MOB4: variants seen among roughly 807,000 people sequenced by gnomAD.
MOB4 encodes MOB-like protein phocein.
In MOB4, 4 loss-of-function variants were observed where a neutral mutation model predicts 32.2. That is an observed-to-expected ratio of 0.12 (90% CI 0.06 to 0.28). The LOEUF (loss-of-function observed/expected upper bound fraction) is 0.28. Ranked by LOEUF, MOB4 falls within the 10% of genes least tolerant of loss-of-function variation. The probability of loss-of-function intolerance (pLI) is 1.00; values close to 1 mark genes in which losing one functional copy is unlikely to be tolerated. For synonymous variants in MOB4, 88 were observed against 88.1 expected (o/e 1.00, Z 0.01); for missense variants, 158 against 271.2 (o/e 0.58, Z 2.93).
At chr2:197,545,879 C>G (rs2086984423) in intron 5 of MOB4, among the ~76,000 whole-genome samples, 1 of 152,012 alleles carries the variant, frequency 6.6e-6, no homozygotes, top group Non-Finnish European at 1.5e-5. Flanking sequence ...TGTGAATATA[C>G]TAGAAACTAC....
chr2:197,538,973 C>T (rs3792159), intron 3 of MOB4, among the ~76,000 whole-genome samples: 106,688 of 152,072 alleles, frequency 0.7, 38,094 homozygotes, highest in Middle Eastern at 0.86. Context: ...TTTTGTTTTC[C>T]TCTGTTACAA....
At chr2:197,527,252 C>T (rs181236919) in intron 2 of MOB4, among the ~76,000 whole-genome samples, 263 of 152,130 alleles carry the variant, frequency 1.7e-3, no homozygotes, top group Non-Finnish European at 2.2e-3. Context: ...GACATCTTAA[C>T]GATATTAAGC....
At chr2:197,538,852 G>C (rs2086848098) in intron 3 of MOB4, among the ~76,000 whole-genome samples, 1 of 152,192 alleles carries the variant, frequency 6.6e-6, no homozygotes, top group East Asian at 1.9e-4. Context: ...GGACAGTAGA[G>C]GGTGATACGG....
chr2:197,535,406 C>T, intron 2 of MOB4, 124 bp from the exon 3 acceptor site: 1 of 777,174 alleles, frequency 1.3e-6, no homozygotes, highest in Non-Finnish European at 1.9e-6. Flanking sequence ...ACTTGGTTTC[C>T]TATTTAGTGT....
intron 2 of MOB4, among the ~76,000 whole-genome samples, chr2:197,532,604 T>G (rs2086724747): frequency 6.6e-6 from 1 of 152,076 alleles, no homozygotes; most frequent in Non-Finnish European, 1.5e-5. Flanking sequence ...GAGAATTGCT[T>G]GAACCCAGGA....
At position 197,525,204 on chromosome 2, in the gene MOB4, G is replaced by A. The variant is rs529349255; in HGVS notation, c.123+1518G>A. On this transcript the variant is annotated intron_variant, in intron 2 of 7. Coordinates refer to ENST00000323303, the MANE Select transcript of MOB4 (RefSeq NM_015387.5). ...TACTAAAAATATAAAAAAATTAGCC[G>A]GGCGTGGTGGTGGGTGCCTGTAGTC... Among the ~76,000 whole-genome samples, 11 of 151,982 alleles carry A rather than the reference G, an allele frequency of 7.2e-5. No individual in the cohort carries two copies. The East Asian group carries it at 1.2e-3, about 16-fold the overall frequency.
chr2:197,544,857 CT>C (rs1487280129), intron 5 of MOB4, among the ~76,000 whole-genome samples: 1 of 151,932 alleles, frequency 6.6e-6, no homozygotes, highest in Non-Finnish European at 1.5e-5. Context: ...ATGGCATATA[CT>C]TTCATACCCA....
chr2:197,531,539 A>G (rs1181357867), intron 2 of MOB4, among the ~76,000 whole-genome samples: 4 of 151,864 alleles, frequency 2.6e-5, no homozygotes, highest in African/African-American at 9.7e-5. Flanking sequence ...TCTTTTTACA[A>G]ACTTGGAAAC....
Position 197,535,564 on chromosome 2 carries a change from A to G in MOB4, c.158A>G (p.Asn53Ser). Reference sequence around the variant, plus strand: ...CAGAACATAAGAGCAGATTGCTCCAATATTGACAAAATTCTTGAACCACCT... The same window carrying G: ...CAGAACATAAGAGCAGATTGCTCCAGTATTGACAAAATTCTTGAACCACCT... ...IQQNIRADCS[N>S]IDKILEPPEG... Residue 53 changes from asparagine (N) to serine (S), a missense_variant, in exon 3 of 8, where the codon AAT becomes AGT. By Grantham distance (46) the Asn-to-Ser change is conservative. Transcript: ENST00000323303. 1.9e-6 allele frequency: 3 copies of G among 1,612,950 alleles called. No homozygotes were observed. Among genetic ancestry groups the G allele is most frequent in the Non-Finnish European group, 2.5e-6 (3 of 1,179,784 alleles).
intron 5 of MOB4, among the ~76,000 whole-genome samples, chr2:197,544,920 G>A (rs1056272871): frequency 6.6e-6 from 1 of 152,186 alleles, no homozygotes; most frequent in African/African-American, 2.4e-5. Context: ...TGACGGGGAT[G>A]TGAAGTGGAA....
intron 1 of MOB4, among the ~76,000 whole-genome samples, chr2:197,523,247 G>A (rs185320958): frequency 8.5e-4 from 129 of 152,136 alleles, no homozygotes; most frequent in African/African-American, 2.9e-3. Flanking sequence ...TGGAAAAAAC[G>A]TAATTTATAG....
intron 2 of MOB4, among the ~76,000 whole-genome samples, chr2:197,534,969 G>A (rs1367321798): frequency 6.6e-6 from 1 of 152,108 alleles, no homozygotes; most frequent in Non-Finnish European, 1.5e-5. Context: ...TGTCTCAATA[G>A]ATTTTCTTAC....
At chr2:197,528,008 C>A (rs570109085) in intron 2 of MOB4, among the ~76,000 whole-genome samples, 1 of 151,796 alleles carries the variant, frequency 6.6e-6, no homozygotes, top group African/African-American at 2.4e-5. Context: ...TATGGTATTT[C>A]TTTTTTCATG....
chr2:197,522,645 T>G (rs1474599757), intron 1 of MOB4, among the ~76,000 whole-genome samples: 1 of 152,130 alleles, frequency 6.6e-6, no homozygotes, highest in Non-Finnish European at 1.5e-5. Flanking sequence ...GATTACTTTT[T>G]AATGGTGCCC....
chr2:197,528,616 C>CTTTTTTTTTTT (rs60927398), intron 2 of MOB4, among the ~76,000 whole-genome samples: 2 of 131,690 alleles, frequency 1.5e-5, no homozygotes, highest in Non-Finnish European at 3.3e-5. Context: ...TTTTCTTTTT[C>CTTTTTTTTTTT]TTTTTTTTTT....
chr2:197,539,317 A>ATTTTT (rs35362424), intron 3 of MOB4, among the ~76,000 whole-genome samples: 11 of 126,722 alleles, frequency 8.7e-5, no homozygotes, highest in East Asian at 2.2e-4. Context: ...TTGTAATGTA[A>ATTTTT]TTTTTTTTTT....
intron 4 of MOB4, 66 bp downstream of exon 4, chr2:197,540,219 CTT>C (rs2086873897): frequency 2.6e-6 from 4 of 1,554,144 alleles, no homozygotes; most frequent in East Asian, 2.3e-5. Flanking sequence ...GTTTTTATAA[CTT>C]AATGTGCTTA....
upstream of MOB4, chr2:197,516,041 G>C: frequency 6.5e-7 from 1 of 1,546,070 alleles, no homozygotes. Context: ...GCAGGCTGCC[G>C]TCCCTACATC....
At chr2:197,547,166 G>T (rs762802417) in intron 5 of MOB4, among the ~76,000 whole-genome samples, 1 of 151,682 alleles carries the variant, frequency 6.6e-6, no homozygotes, top group Non-Finnish European at 1.5e-5. Flanking sequence ...TCCTTGTTGT[G>T]TTCATGTCGT....
Sources: allele counts gnomAD v4.1 joint callset (sites outside exome capture counted in the v4.1 genomes callset), GRCh38; gene constraint gnomAD v4.1.1; transcripts MANE v1.5; gene names NCBI Gene and HGNC (gene_info 2026-07-23, HGNC 2026-07-21).